LDB2: variants seen among roughly 807,000 people sequenced by gnomAD.
LDB2 encodes LIM domain-binding protein 2.
A neutral mutation model predicts 44.3 loss-of-function variants in LDB2; 12 were observed. The observed-to-expected ratio is 0.27, with a 90% CI of 0.17 to 0.44. The LOEUF is 0.44. Among genes scored for constraint, LDB2 ranks in the 20% least tolerant of loss-of-function variants. The pLI, the probability that LDB2 is intolerant of heterozygous loss-of-function variation, is 1.00. For synonymous variants in LDB2, 164 were observed against 174.8 expected (o/e 0.94, Z 0.49); for missense variants, 344 against 473.5 (o/e 0.73, Z 2.54).
At chr4:16,516,486 A>AG (rs1304916122) in intron 5 of LDB2, among the ~76,000 whole-genome samples, 24 of 152,210 alleles carry the variant, frequency 1.6e-4, no homozygotes, top group Admixed American at 2.6e-4. Context: ...CTCTGCCCTT[A>AG]GAGGGAATCC....
At chr4:16,597,579 G>A (rs1421943772) in intron 2 of LDB2, among the ~76,000 whole-genome samples, 1 of 152,084 alleles carries the variant, frequency 6.6e-6, no homozygotes, top group African/African-American at 2.4e-5. Flanking sequence ...TCACAAATCA[G>A]CCTAAGTAAT....
chr4:16,671,975 G>A (rs527362953), intron 2 of LDB2, among the ~76,000 whole-genome samples: 15 of 152,312 alleles, frequency 9.8e-5, no homozygotes, highest in South Asian at 2.1e-4. Context: ...CCACTGGGAC[G>A]CAATTTCCAG....
chr4:16,560,710 C>T (rs915269188), intron 5 of LDB2, among the ~76,000 whole-genome samples: 1 of 152,194 alleles, frequency 6.6e-6, no homozygotes, highest in East Asian at 1.9e-4. Context: ...CTCCCTGACT[C>T]ATTTTATGAG....
chr4:16,508,481 T>C, intron 7 of LDB2, 54 bp downstream of exon 7: 1 of 1,404,442 alleles, frequency 7.1e-7, no homozygotes, highest in Non-Finnish European at 9.4e-7. Context: ...TTGGGCCCTT[T>C]GAGTAGGAAG....
At chr4:16,751,421 G>A (rs911404440) in intron 2 of LDB2, among the ~76,000 whole-genome samples, 7 of 152,140 alleles carry the variant, frequency 4.6e-5, no homozygotes, top group African/African-American at 1.7e-4. Context: ...AGACATTAGA[G>A]AATGGAATGT....
chr4:16,543,187 G>T (rs1734503320), intron 5 of LDB2, among the ~76,000 whole-genome samples: 1 of 152,180 alleles, frequency 6.6e-6, no homozygotes, highest in East Asian at 1.9e-4. Flanking sequence ...GGACATTTGG[G>T]TTGGTTCCCA....
intron 1 of LDB2, among the ~76,000 whole-genome samples, chr4:16,778,931 T>C (rs1772555529): frequency 6.6e-6 from 1 of 152,222 alleles, no homozygotes; most frequent in Non-Finnish European, 1.5e-5. Context: ...AGTTCTAATA[T>C]TAGACCAAGA....
intron 2 of LDB2, among the ~76,000 whole-genome samples, chr4:16,752,893 AAAG>A (rs1345255387): frequency 6.6e-6 from 1 of 152,104 alleles, no homozygotes; most frequent in Non-Finnish European, 1.5e-5. Context: ...AAAAAAAAAA[AAAG>A]AAGGAGGAAT....
chr4:16,777,387 T>C (rs1447910779), intron 1 of LDB2, among the ~76,000 whole-genome samples: 2 of 151,824 alleles, frequency 1.3e-5, no homozygotes, highest in Non-Finnish European at 2.9e-5. Flanking sequence ...AAACAGCAAG[T>C]ACAACAGCCC....
chr4:16,869,501 C>T (rs942491926), intron 1 of LDB2, among the ~76,000 whole-genome samples: 4 of 152,148 alleles, frequency 2.6e-5, no homozygotes, highest in African/African-American at 4.8e-5. Context: ...ATTAATTCAT[C>T]TAATTCCAGT....
At chr4:16,562,992 C>T (rs555231579) in intron 5 of LDB2, among the ~76,000 whole-genome samples, 5 of 151,802 alleles carry the variant, frequency 3.3e-5, no homozygotes, top group Middle Eastern at 3.4e-3. Flanking sequence ...CGCATGTTCT[C>T]ACTCATAGGT....
intron 5 of LDB2, chr4:16,581,381 C>T (rs192811211): frequency 1.0e-6 from 1 of 982,308 alleles, no homozygotes; most frequent in African/African-American, 1.7e-5. Context: ...TACTCCCAAG[C>T]CCATGTCACA....
At chr4:16,649,100 A>C (rs1010514461) in intron 2 of LDB2, among the ~76,000 whole-genome samples, 2 of 152,246 alleles carry the variant, frequency 1.3e-5, no homozygotes. Flanking sequence ...GCCATGTCTC[A>C]GCTTACAACT....
chr4:16,529,731 C>T (rs537248431), intron 5 of LDB2, among the ~76,000 whole-genome samples: 3 of 152,104 alleles, frequency 2.0e-5, no homozygotes, highest in Admixed American at 6.5e-5. Flanking sequence ...GGGTCCTTTA[C>T]GGAAGATCTG....
intron 2 of LDB2, among the ~76,000 whole-genome samples, chr4:16,728,053 A>C (rs1294342764): frequency 6.6e-6 from 1 of 152,144 alleles, no homozygotes. Context: ...ACTATGGGGG[A>C]ACTGGAGGAA....
intron 1 of LDB2, among the ~76,000 whole-genome samples, chr4:16,830,894 G>A (rs1352730266): frequency 6.6e-6 from 1 of 152,184 alleles, no homozygotes; most frequent in Non-Finnish European, 1.5e-5. Flanking sequence ...TAAGGCTGCA[G>A]GGTTGAGAAT....
At chr4:16,697,926 T>C (rs1752568254) in intron 2 of LDB2, among the ~76,000 whole-genome samples, 1 of 152,256 alleles carries the variant, frequency 6.6e-6, no homozygotes, top group African/African-American at 2.4e-5. Flanking sequence ...ATGGCAGTGC[T>C]AGCAACTATA....
intron 1 of LDB2, among the ~76,000 whole-genome samples, chr4:16,765,756 G>GTCT (rs1434372458): frequency 6.6e-6 from 1 of 152,226 alleles, no homozygotes; most frequent in Non-Finnish European, 1.5e-5. Context: ...TTCGAGAGAA[G>GTCT]TCTTCTCTCT....
intron 1 of LDB2, among the ~76,000 whole-genome samples, chr4:16,870,341 C>A (rs1232530106): frequency 6.6e-6 from 1 of 152,136 alleles, no homozygotes; most frequent in African/African-American, 2.4e-5. Context: ...GTTTAAATGT[C>A]ATATTAGTCC....
Sources: gnomAD v4.1 joint callset for allele counts (sites outside exome capture counted in the v4.1 genomes callset) on GRCh38, gnomAD v4.1.1 for gene constraint, MANE v1.5 for transcripts, NCBI Gene and HGNC (gene_info 2026-07-23, HGNC 2026-07-21) for gene names.